RFC2: variants seen among roughly 807,000 people sequenced by gnomAD.
The protein encoded by RFC2 is A1 40 kDa subunit.
RFC2 carries 34 observed loss-of-function variants against 44.8 expected under a neutral mutation model. That is an observed-to-expected ratio of 0.76 (90% confidence interval 0.58 to 1.01). RFC2 has a LOEUF of 1.01. Ranked by LOEUF, RFC2 falls within the 50% of genes least tolerant of loss-of-function variation. The pLI, the probability that RFC2 is intolerant of heterozygous loss-of-function variation, is 0.00. For synonymous variants in RFC2, 177 were observed against 168.9 expected (o/e 1.05, Z -0.37); for missense variants, 400 against 453.6 (o/e 0.88, Z 1.07).
chr7:74,241,486 T>G (rs1803325714), intron 6 of RFC2, among the ~76,000 whole-genome samples: 1 of 152,194 alleles, frequency 6.6e-6, no homozygotes, highest in Non-Finnish European at 1.5e-5. Flanking sequence ...ACTTTGTGGG[T>G]GCCATATTTG....
At chr7:74,248,878 T>C in intron 4 of RFC2, 134 bp downstream of exon 4, 1 of 662,340 alleles carries the variant, frequency 1.5e-6, no homozygotes, top group Admixed American at 2.6e-5. Context: ...CAACGCTCTT[T>C]CACTGGGAAG....
rs377161147 is a variant in RFC2, at chr7:74,232,187, C to T, written c.984G>A (p.Ala328=). ...TCTGCAAAAGAGAGTTCACTCCTTC[C>T]GCTATTTTCATGTGAGTGTATCCAA... The part of the protein sequence containing the change: ...KEIGYTHMKI[A]EGVNSLLQMA... Residue 328 remains alanine (A), a synonymous_variant, in exon 11 of 11, where the codon GCG becomes GCA. Transcript: ENST00000055077. 65 of 1,612,368 alleles carry T rather than the reference C, an allele frequency of 4.0e-5. No individual in the cohort carries two copies. In the East Asian group the frequency reaches 4.7e-4, roughly 12 times the overall value.
chr7:74,232,806 A>G (rs1267339254), intron 10 of RFC2, among the ~76,000 whole-genome samples: 1 of 152,182 alleles, frequency 6.6e-6, no homozygotes, highest in Non-Finnish European at 1.5e-5. Flanking sequence ...CGAAGGTTGC[A>G]GTGAGCTGAG....
chr7:74,252,150 G>A (rs1786998396), intron 2 of RFC2, among the ~76,000 whole-genome samples: 1 of 136,882 alleles, frequency 7.3e-6, no homozygotes, highest in Non-Finnish European at 1.5e-5. Flanking sequence ...GCTCACGCCT[G>A]TAATCCCAGC....
At chr7:74,236,615 T>C (rs1554718336) in intron 9 of RFC2, among the ~76,000 whole-genome samples, 1 of 152,132 alleles carries the variant, frequency 6.6e-6, no homozygotes. Flanking sequence ...GGCTGCTGGA[T>C]CCCAGAATGC....
chr7:74,233,760 C>T, intron 10 of RFC2: 3 of 451,060 alleles, frequency 6.7e-6, no homozygotes, highest in Admixed American at 2.4e-5. Flanking sequence ...GCCACTGCAT[C>T]CGGTCATTAC....
At chr7:74,253,930 T>A (rs1360440927) in intron 1 of RFC2, among the ~76,000 whole-genome samples, 2 of 152,124 alleles carry the variant, frequency 1.3e-5, no homozygotes, top group Admixed American at 6.6e-5. Context: ...TAATCGATAT[T>A]TTTTTTAAAA....
intron 6 of RFC2, 27 bp downstream of exon 6, chr7:74,243,119 C>T (rs1554719467): frequency 6.7e-7 from 1 of 1,494,182 alleles, no homozygotes; most frequent in African/African-American, 1.4e-5. Context: ...ACCACGTGGC[C>T]CCCAGCCACC....
chr7:74,238,922 C>T lies in RFC2; in HGVS notation c.759+1G>A. On this transcript the variant is annotated splice_donor_variant, in intron 8 of 10. Coordinates refer to ENST00000055077, the MANE Select transcript of RFC2 (RefSeq NM_181471.3). LOFTEE classifies it high-confidence loss of function. This position sits in a 1 kb window ranked among gnomAD's most constrained non-coding sequence, Gnocchi z 4.0. ...AGTACCACCCACACTAGCGCTTGTACCTTGAACACGTTCTCACTGTTAATG... is the reference window on the plus strand; with the variant it reads ...AGTACCACCCACACTAGCGCTTGTATCTTGAACACGTTCTCACTGTTAATG... 6.2e-7 allele frequency: 1 copy of T among 1,613,126 alleles called. No individual in the cohort carries two copies. Among genetic ancestry groups the T allele is most frequent in the Non-Finnish European group, 8.5e-7 (1 of 1,179,112 alleles).
Position 74,238,925 on chromosome 7 carries a change from T to G in RFC2, c.757A>C (p.Lys253Gln), listed in dbSNP as rs937441201. Residue 253 changes from lysine to glutamine, a missense_variant and splice_region_variant, in exon 8 of 11, where the codon AAG (lysine) becomes CAG (glutamine). By Grantham distance (53) the Lys-to-Gln change is moderately conservative. Coordinates refer to ENST00000055077, the MANE Select transcript of RFC2 (RefSeq NM_181471.3). The surrounding 1 kb of genome is among the most constrained non-coding windows in gnomAD (Gnocchi z 4.0). ...ACCACCCACACTAGCGCTTGTACCT[T>G]GAACACGTTCTCACTGTTAATGAAG... ...FGFINSENVF[K>Q]VCDEPHPLLV... 19 of 1,613,470 alleles carry G rather than the reference T, an allele frequency of 1.2e-5. No individual in the cohort carries two copies. The East Asian group carries it at 3.3e-4, about 28-fold the overall frequency.
At chr7:74,250,437 C>T (rs1786863966) in intron 2 of RFC2, among the ~76,000 whole-genome samples, 1 of 151,992 alleles carries the variant, frequency 6.6e-6, no homozygotes, top group Non-Finnish European at 1.5e-5. Flanking sequence ...ACTACAGGTA[C>T]TCACCTCGGC....
chr7:74,233,076 T>C (rs534605816), intron 10 of RFC2, among the ~76,000 whole-genome samples: 5 of 152,062 alleles, frequency 3.3e-5, no homozygotes, highest in African/African-American at 7.2e-5. Context: ...CCAAGTGTAG[T>C]GGCACATGCC....
rs370969436 is a variant in RFC2, at chr7:74,246,089, G to A, written c.434+573C>T. 1.8e-4 allele frequency among the ~76,000 whole-genome samples: 27 copies of A among 152,086 alleles called. No homozygotes were observed. In the East Asian group the frequency reaches 4.8e-3, roughly 27 times the overall value. On this transcript the variant is annotated intron_variant, in intron 5 of 10. Coordinates refer to ENST00000055077, the MANE Select transcript of RFC2 (RefSeq NM_181471.3). The stretch of plus-strand genomic sequence containing the variant: ...TGCATGCCTGTAGTCTCAGCTACTC[G>A]GGAGGCTGAGGCAGGAGAATCACGT...
intron 9 of RFC2, among the ~76,000 whole-genome samples, chr7:74,236,961 C>CATAAATAA (rs111555840): frequency 1.5e-4 from 23 of 151,326 alleles, no homozygotes; most frequent in African/African-American, 4.6e-4. Context: ...CCTGTTTCTA[C>CATAAATAA]ATAAATAAAT....
intron 6 of RFC2, among the ~76,000 whole-genome samples, chr7:74,240,631 G>A (rs782107664): frequency 2.0e-5 from 3 of 152,128 alleles, no homozygotes; most frequent in Admixed American, 6.6e-5. Context: ...GCTAGCCACG[G>A]CTTCCAGACG....
chr7:74,240,712 C>T (rs1318974583), intron 6 of RFC2, among the ~76,000 whole-genome samples: 2 of 152,178 alleles, frequency 1.3e-5, no homozygotes, highest in African/African-American at 4.8e-5. Context: ...AGCCCTGGCC[C>T]AGGTGGACTC....
Position 74,235,536 on chromosome 7 carries a change from A to G in RFC2, c.950T>C (p.Ile317Thr). 4 of 1,585,594 alleles carry G rather than the reference A, an allele frequency of 2.5e-6. No homozygotes were observed. The highest frequency in any genetic ancestry group is 3.5e-6 in the Non-Finnish European group (4 of 1,154,052). Residue 317 changes from isoleucine to threonine, a missense_variant, in exon 10 of 11, where the codon ATC (isoleucine) becomes ACC (threonine). Coordinates refer to ENST00000055077, the MANE Select transcript of RFC2 (RefSeq NM_181471.3). ...CATTTCTACATTCTCACCGACCTTGATAAACTCCAGTTTCAGGTATTCTGC... is the reference window on the plus strand; with the variant it reads ...CATTTCTACATTCTCACCGACCTTGGTAAACTCCAGTTTCAGGTATTCTGC... ...QMAEYLKLEF[I>T]KEIGYTHMKI... is the part of the protein sequence containing the mutation.
intron 8 of RFC2, 29 bp from the exon 9 acceptor site, chr7:74,237,471 G>A (rs1803086446): frequency 6.8e-7 from 1 of 1,467,048 alleles, no homozygotes; most frequent in Non-Finnish European, 9.3e-7. Flanking sequence ...AAGGCGGTCA[G>A]GGGCTAGAAG....
In RFC2 at chr7:74,249,740, G is replaced by C; in HGVS notation, c.224C>G (p.Ala75Gly). The change falls in exon 3 of 11, where the codon GCG becomes GGG. Residue 75 changes from alanine (A) to glycine (G), a missense_variant and splice_region_variant. Ala to Gly is a moderately conservative substitution (Grantham distance 60, BLOSUM62 0). Transcript: ENST00000055077. The part of the protein sequence containing the change: ...REGNVPNIII[A>G]GPPGTGKTTS... Reference sequence around the variant, plus strand: ...ACAGGCCCAGGGCTGGGTACTCACCGCAATGATGATGTTGGGCACATTTCC... The same window carrying C: ...ACAGGCCCAGGGCTGGGTACTCACCCCAATGATGATGTTGGGCACATTTCC... 6.2e-7 allele frequency: 1 copy of C among 1,612,888 alleles called. No homozygotes were observed. The highest frequency in any genetic ancestry group is 8.5e-7 in the Non-Finnish European group (1 of 1,178,976).
Sources: allele counts gnomAD v4.1 joint callset (sites outside exome capture counted in the v4.1 genomes callset), GRCh38; gene constraint gnomAD v4.1.1; non-coding constraint Gnocchi (gnomAD v3.1); transcripts MANE v1.5; gene names NCBI Gene and HGNC (gene_info 2026-07-23, HGNC 2026-07-21).